The following KL variants were observed in gnomAD, a reference collection of about 807,000 sequenced individuals.
KL encodes the protein klotho.
In KL, 62 loss-of-function variants were observed where a neutral mutation model predicts 84.2. The ratio of observed to expected loss-of-function variants is 0.74; its 90% CI spans 0.60 to 0.91. KL has a LOEUF of 0.91. Ranked by LOEUF, KL falls within the 40% of genes least tolerant of loss-of-function variation. The probability of loss-of-function intolerance (pLI) is 0.00; values close to 1 mark genes in which losing one functional copy is unlikely to be tolerated. For synonymous variants in KL, 528 were observed against 528.0 expected (o/e 1.00, Z 0.00); for missense variants, 1,261 against 1,305.7 (o/e 0.97, Z 0.53).
rs1247868035 is a variant in KL at position 33,016,678 on chromosome 13, T to G, written c.238T>G (p.Trp80Gly). 6 of 1,598,908 alleles carry G rather than the reference T, an allele frequency of 3.8e-6. No individual in the cohort carries two copies. The highest frequency in any genetic ancestry group is 5.1e-6 in the Non-Finnish European group (6 of 1,173,336). The change falls in exon 1 of 5, where the codon TGG (tryptophan) becomes GGG (glycine). Residue 80 changes from tryptophan to glycine, a missense_variant. Physicochemically the swap from Trp to Gly is radical, Grantham distance 184 (BLOSUM62 -2). Transcript: ENST00000380099. ...CGCCGCCTACCAGACCGAGGGCGGCTGGCAGCAGCACGGCAAGGGTGCGTC... is the reference window on the plus strand; with the variant it reads ...CGCCGCCTACCAGACCGAGGGCGGCGGGCAGCAGCACGGCAAGGGTGCGTC... ...GSAAYQTEGG[W>G]QQHGKGASIW... is the part of the protein sequence containing the mutation.
intron 1 of KL, among the ~76,000 whole-genome samples, chr13:33,044,635 ATTTTCTTTTTTT>A (rs1415544298): frequency 0.01 from 734 of 72,298 alleles, 11 homozygotes; most frequent in Non-Finnish European, 0.016. Context: ...AATGCAATTG[ATTTTCTTTTTTT>A]TTTTTTTTTT....
intron 1 of KL, among the ~76,000 whole-genome samples, chr13:33,018,786 A>G (rs2138186461): frequency 6.6e-6 from 1 of 152,324 alleles, no homozygotes; most frequent in Non-Finnish European, 1.5e-5. Context: ...TGCCCATAAA[A>G]TCTTTACTTT....
At chr13:33,045,782 A>G (rs1871506471) in intron 1 of KL, among the ~76,000 whole-genome samples, 1 of 152,136 alleles carries the variant, frequency 6.6e-6, no homozygotes, top group South Asian at 2.1e-4. Flanking sequence ...CCCGGCCCAT[A>G]AATGCTTTTC....
rs1156970742 is a variant in KL, at chr13:33,064,481, A to C, written c.*295A>C. ...GAAAAATAGGAACCACACCAATGCA[A>C]CATTTGTGCAGAAATTTGAATGACA... is the stretch of plus-strand genomic sequence containing the variant. On this transcript the variant is annotated 3_prime_UTR_variant, in exon 5 of 5. Transcript: ENST00000380099. 1 of 308,706 alleles carries C rather than the reference A, an allele frequency of 3.2e-6. No homozygotes were observed. The highest frequency in any genetic ancestry group is 6.1e-6 in the Non-Finnish European group (1 of 165,204). 19.1% of individuals were successfully genotyped at this position (308,706 alleles called of 1,614,324 possible). A position where few individuals can be genotyped will look rare whatever the true frequency, so the allele number is the denominator to read the frequency against.
chr13:33,021,184 A>G (rs1870562725), intron 1 of KL, among the ~76,000 whole-genome samples: 1 of 152,202 alleles, frequency 6.6e-6, no homozygotes, highest in African/African-American at 2.4e-5. Context: ...AACTCATGCT[A>G]CTAGAATTTT....
intron 1 of KL, among the ~76,000 whole-genome samples, chr13:33,020,380 T>A (rs959729868): frequency 1.2e-4 from 18 of 152,094 alleles, no homozygotes; most frequent in African/African-American, 4.3e-4. Flanking sequence ...CTGTAAATAG[T>A]GGAGGGCTCA....
In KL at chr13:33,016,873, A is replaced by G; in HGVS notation, c.433A>G (p.Thr145Ala). 1 of 1,612,368 alleles carries G rather than the reference A, an allele frequency of 6.2e-7. No homozygotes were observed. The highest frequency in any genetic ancestry group is 8.5e-7 in the Non-Finnish European group (1 of 1,179,712). The change falls in exon 1 of 5, where the codon ACT (threonine) becomes GCT (alanine). Residue 145 changes from threonine (T) to alanine (A), a missense_variant. Transcript: ENST00000380099. ...GGAGGCGCTGCGCGAGCTCGGGGTC[A>G]CTCACTACCGCTTCTCCATCTCGTG... Reference protein sequence around the residue: ...DTEALRELGVTHYRFSISWAR... With the variant: ...DTEALRELGVAHYRFSISWAR...
chr13:33,017,003 TG>T lies in KL; in HGVS notation c.565del (p.Val189SerfsTer110), dbSNP rs1183878687. On this transcript the variant is annotated frameshift_variant, in exon 1 of 5. Coordinates refer to ENST00000380099, the MANE Select transcript of KL (RefSeq NM_004795.4). LOFTEE classifies it high-confidence loss of function. Reference sequence around the variant, plus strand: ...CTGCGGGAGCTGGGCGTGCAGCCCGTGGTCACCCTGTACCACTGGGACCTGC... The same window carrying T: ...CTGCGGGAGCTGGGCGTGCAGCCCGTGTCACCCTGTACCACTGGGACCTGC... ...ERLRELGVQP[V>X]VTLYHWDLPQ... is the part of the protein sequence containing the mutation. 6.3e-7 allele frequency: 1 copy of T among 1,593,684 alleles called. No individual in the cohort carries two copies. The highest frequency in any genetic ancestry group is 8.5e-7 in the Non-Finnish European group (1 of 1,173,838).
At chr13:33,019,730 T>A (rs202173203) in intron 1 of KL, among the ~76,000 whole-genome samples, 3,749 of 88,420 alleles carry the variant, frequency 0.042, 119 homozygotes, top group Admixed American at 0.13. Context: ...TGTGTGTGTG[T>A]GTGAGAGAGA....
At chr13:33,059,300 T>C (rs1473653382) in intron 3 of KL, among the ~76,000 whole-genome samples, 1 of 152,232 alleles carries the variant, frequency 6.6e-6, no homozygotes, top group African/African-American at 2.4e-5. Context: ...ATACTTTTTT[T>C]AAATTTTTAT....
At chr13:33,037,246 G>A (rs1198421650) in intron 1 of KL, among the ~76,000 whole-genome samples, 6 of 151,952 alleles carry the variant, frequency 3.9e-5, no homozygotes, top group African/African-American at 1.5e-4. Flanking sequence ...CATATAATAG[G>A]TGTTGGATAA....
At chr13:33,051,105 A>G (rs74766078) in intron 1 of KL, among the ~76,000 whole-genome samples, 1,927 of 152,272 alleles carry the variant, frequency 0.013, 83 homozygotes, top group East Asian at 0.083. Flanking sequence ...AGGGATACGC[A>G]TTCATGGAGA....
At chr13:33,045,832 C>T (rs543761065) in intron 1 of KL, among the ~76,000 whole-genome samples, 1 of 152,216 alleles carries the variant, frequency 6.6e-6, no homozygotes, top group African/African-American at 2.4e-5. Flanking sequence ...TCGTAGTTTT[C>T]TGAGTGTTTT....
rs1872343214 is a variant in KL, at chr13:33,064,704, G to C, written c.*518G>C. Reference sequence around the variant, plus strand: ...GGCAGATACAGGAGAGACGACAGAGGGTCCTAGGCTGGAATGTTCCTTTCG... The same window carrying C: ...GGCAGATACAGGAGAGACGACAGAGCGTCCTAGGCTGGAATGTTCCTTTCG... On this transcript the variant is annotated 3_prime_UTR_variant, in exon 5 of 5. Transcript: ENST00000380099. 8.8e-6 allele frequency: 2 copies of C among 228,080 alleles called. No individual in the cohort carries two copies. Among genetic ancestry groups the C allele is most frequent in the East Asian group, 1.3e-4 (2 of 15,584 alleles). The allele number at this position is 228,080 out of a possible 1,614,324, so 14.1% of individuals were successfully genotyped here. A position where few individuals can be genotyped will look rare whatever the true frequency, so the allele number is the denominator to read the frequency against.
chr13:33,055,473 C>T, intron 3 of KL, 158 bp downstream of exon 3: 1 of 802,836 alleles, frequency 1.2e-6, no homozygotes, highest in Admixed American at 2.1e-5. Flanking sequence ...GAATGCTGCA[C>T]CCTTCTCTCC....
intron 1 of KL, among the ~76,000 whole-genome samples, chr13:33,045,687 C>G (rs548331803): frequency 6.6e-6 from 1 of 152,168 alleles, no homozygotes; most frequent in African/African-American, 2.4e-5. Context: ...CGATGTTGGT[C>G]AGGCTGCTCT....
At chr13:33,039,917 G>T (rs1871277910) in intron 1 of KL, among the ~76,000 whole-genome samples, 1 of 152,076 alleles carries the variant, frequency 6.6e-6, no homozygotes, top group African/African-American at 2.4e-5. Context: ...AGACTGTAAG[G>T]CTTGGTGCTC....
intron 3 of KL, among the ~76,000 whole-genome samples, chr13:33,055,896 A>G (rs991061852): frequency 2.6e-5 from 4 of 152,256 alleles, no homozygotes; most frequent in South Asian, 2.1e-4. Flanking sequence ...TCTCAGTAGT[A>G]AGCCCTTAAC....
In KL at chr13:33,016,617, C is replaced by G; in HGVS notation, c.177C>G (p.Gly59=). 6.5e-7 allele frequency: 1 copy of G among 1,540,528 alleles called. No individual in the cohort carries two copies. Among genetic ancestry groups the G allele is most frequent in the Non-Finnish European group, 8.8e-7 (1 of 1,142,490 alleles). Residue 59 remains glycine, a synonymous_variant, in exon 1 of 5, where the codon GGC becomes GGG. Coordinates refer to ENST00000380099, the MANE Select transcript of KL (RefSeq NM_004795.4). ...CCGAGGCCGCGGGCCTCTTCCAGGG[C>G]ACCTTCCCCGACGGCTTCCTCTGGG... ...PAPEAAGLFQ[G]TFPDGFLWAV...
Sources: gnomAD v4.1 joint callset for allele counts (sites outside exome capture counted in the v4.1 genomes callset) on GRCh38, gnomAD v4.1.1 for gene constraint, MANE v1.5 for transcripts, NCBI Gene and HGNC (gene_info 2026-07-23, HGNC 2026-07-21) for gene names.